The following CWC25 variants were observed in gnomAD, a reference collection of about 807,000 sequenced individuals.
The protein encoded by CWC25 is pre-mRNA-splicing factor CWC25 homolog.
In CWC25, 31 loss-of-function variants were observed where a neutral mutation model predicts 54.6. That is an observed-to-expected ratio of 0.57 (90% CI 0.43 to 0.77). CWC25 has a LOEUF of 0.77. Among genes scored for constraint, CWC25 ranks in the 30% least tolerant of loss-of-function variants. CWC25 has a pLI of 0.00. For missense variants in CWC25, 453 were observed against 529.3 expected (o/e 0.86, Z 1.41); for synonymous variants, 151 against 187.0 (o/e 0.81, Z 1.57).
chr17:38,813,773 G>T (rs1911584608), intron 3 of CWC25, among the ~76,000 whole-genome samples: 1 of 151,936 alleles, frequency 6.6e-6, no homozygotes, highest in Non-Finnish European at 1.5e-5. Context: ...CAATTTCCTG[G>T]GCTCAAGCAA....
intron 2 of CWC25, among the ~76,000 whole-genome samples, chr17:38,815,364 T>C (rs1390136719): frequency 6.6e-6 from 1 of 152,124 alleles, no homozygotes; most frequent in African/African-American, 2.4e-5. Context: ...GAGACCAGCC[T>C]GGCCAACATG....
At chr17:38,823,632 G>A (rs919004150) in intron 1 of CWC25, among the ~76,000 whole-genome samples, 2 of 151,926 alleles carry the variant, frequency 1.3e-5, no homozygotes, top group South Asian at 2.1e-4. Flanking sequence ...TCTCCCCTTC[G>A]TCAGGTCATT....
intron 3 of CWC25, 62 bp from the exon 4 acceptor site, chr17:38,812,926 C>G: frequency 9.6e-6 from 9 of 934,240 alleles, no homozygotes; most frequent in South Asian, 7.0e-5. Context: ...ATGGAGTAAC[C>G]TTTTCTCCAA....
chr17:38,821,158 A>G, intron 1 of CWC25, 85 bp from the exon 2 acceptor site: 2 of 1,400,218 alleles, frequency 1.4e-6, no homozygotes, highest in Non-Finnish European at 1.9e-6. Context: ...CCACCCTTCC[A>G]TACCCAAGGC....
intron 7 of CWC25, 142 bp from the exon 8 acceptor site, chr17:38,806,537 GT>G: frequency 2.5e-6 from 2 of 805,282 alleles, no homozygotes; most frequent in Non-Finnish European, 3.9e-6. Context: ...AGGGTTTGAT[GT>G]TAGACTCACC....
chr17:38,809,693 C>T lies in CWC25; in HGVS notation c.690+9G>A. 2 of 1,613,500 alleles carry T rather than the reference C, an allele frequency of 1.2e-6. No individual in the cohort carries two copies. Among genetic ancestry groups the T allele is most frequent in the South Asian group, 2.2e-5 (2 of 91,038 alleles). On this transcript the variant is annotated intron_variant, in intron 6 of 9. Transcript: ENST00000614790. ...ACAGTCACTCCTTTCAAGAAGCCCA[C>T]ATCCCTACCTGTAAGCCATATCCAG...
chr17:38,815,139 G>C, intron 2 of CWC25, 42 bp from the exon 3 acceptor site: 1 of 1,556,502 alleles, frequency 6.4e-7, no homozygotes, highest in African/African-American at 1.4e-5. Flanking sequence ...TCTTTAAAAA[G>C]CAGACTTCTG....
Position 38,809,746 on chromosome 17 carries a change from T to C in CWC25, c.646A>G (p.Asn216Asp), listed in dbSNP as rs774563800. The C allele has an allele frequency of 1.9e-6, 3 of 1,613,890 alleles. No individual in the cohort carries two copies. The highest frequency in any genetic ancestry group is 2.2e-5 in the East Asian group (1 of 44,866). ...ACTTTGGACAAAACAGGGGAGGAAT[T>C]TGCCATCTTCTTCTGTGATCTAAGA... ...SAGRSQKKMA[N>D]SSPVLSKVPG... The change falls in exon 6 of 10, where the codon AAT becomes GAT. Residue 216 changes from asparagine (N) to aspartate (D), a missense_variant. Around this residue, in one of 2 missense-constraint regions of CWC25, gnomAD observed 444 missense variants for 499.2 expected, o/e 0.89. Coordinates refer to ENST00000614790, the MANE Select transcript of CWC25 (RefSeq NM_017748.5).
At position 38,810,051 on chromosome 17, in the gene CWC25, C is replaced by T. The variant is rs553181013; in HGVS notation, c.627-286G>A. On this transcript the variant is annotated intron_variant, in intron 5 of 9. Coordinates refer to ENST00000614790, the MANE Select transcript of CWC25 (RefSeq NM_017748.5). Reference sequence around the variant, plus strand: ...CCAGGGACAAATAGTGACTCAGCAGCGGCGGAGCTGACTGCTTCCACAGGA... The same window carrying T: ...CCAGGGACAAATAGTGACTCAGCAGTGGCGGAGCTGACTGCTTCCACAGGA... Among the ~76,000 whole-genome samples the T allele has an allele frequency of 5.9e-4, 90 of 152,204 alleles. No individual in the cohort carries two copies. In the South Asian group the frequency reaches 9.3e-3, roughly 16 times the overall value.
At chr17:38,804,799 CAAAAA>C (rs4042818) in intron 8 of CWC25, among the ~76,000 whole-genome samples, 3 of 64,756 alleles carry the variant, frequency 4.6e-5, no homozygotes, top group South Asian at 6.4e-4. Flanking sequence ...CAGAGCGAGA[CAAAAA>C]AAAAAAAAAA....
intron 2 of CWC25, among the ~76,000 whole-genome samples, chr17:38,816,133 A>G (rs1911688183): frequency 6.6e-6 from 1 of 152,218 alleles, no homozygotes; most frequent in South Asian, 2.1e-4. Flanking sequence ...GGCTAAATTC[A>G]TAAGAGCATG....
intron 8 of CWC25, among the ~76,000 whole-genome samples, chr17:38,806,034 C>T (rs117735717): frequency 0.046 from 6,992 of 152,034 alleles, 228 homozygotes; most frequent in Non-Finnish European, 0.07. Context: ...ATGGTCTCGA[C>T]CTCCTGACCT....
intron 1 of CWC25, among the ~76,000 whole-genome samples, chr17:38,821,528 C>T (rs894775406): frequency 2.6e-5 from 4 of 152,194 alleles, no homozygotes; most frequent in African/African-American, 9.6e-5. Context: ...TGCTGCACTA[C>T]AGCCTGGGCG....
chr17:38,810,593 C>T lies in CWC25; in HGVS notation c.501G>A (p.Leu167=), dbSNP rs886788262. ...PVKMKKIKEL[L]QMSLEKKEKK... ...TCTCCTTTTTTTCCAGACTCATTTG[C>T]AACTGGAAAATGCCGAGAACACAAG... The change falls in exon 5 of 10, where the codon TTG becomes TTA. Residue 167 remains leucine, a splice_region_variant and synonymous_variant. Coordinates refer to ENST00000614790, the MANE Select transcript of CWC25 (RefSeq NM_017748.5). The T allele has an allele frequency of 2.1e-6, 3 of 1,429,958 alleles. No individual in the cohort carries two copies. In the African/African-American group the frequency reaches 4.2e-5, roughly 20 times the overall value. 88.6% of individuals were successfully genotyped at this position (1,429,958 alleles called of 1,614,324 possible).
intron 1 of CWC25, among the ~76,000 whole-genome samples, chr17:38,824,287 A>C (rs957587182): frequency 6.6e-6 from 1 of 152,194 alleles, no homozygotes; most frequent in African/African-American, 2.4e-5. Context: ...AACTTATATT[A>C]AGTGGTATGA....
chr17:38,808,398 GA>G (rs1293767731), intron 6 of CWC25, among the ~76,000 whole-genome samples: 2 of 137,800 alleles, frequency 1.5e-5, no homozygotes, highest in Non-Finnish European at 3.2e-5. Flanking sequence ...AAAAAAGAAA[GA>G]AAAGAATACA....
chr17:38,817,095 C>T (rs1484170804), intron 2 of CWC25, among the ~76,000 whole-genome samples: 1 of 151,234 alleles, frequency 6.6e-6, no homozygotes, highest in Non-Finnish European at 1.5e-5. Context: ...AATCCTAGAA[C>T]TTTGGGAGGC....
chr17:38,819,144 TC>T (rs1911822075), intron 2 of CWC25, among the ~76,000 whole-genome samples: 1 of 151,650 alleles, frequency 6.6e-6, no homozygotes, highest in African/African-American at 2.4e-5. Context: ...TACCTCAGCC[TC>T]CCAAGTAGCT....
intron 2 of CWC25, among the ~76,000 whole-genome samples, chr17:38,816,056 T>A (rs1370600257): frequency 2.6e-5 from 4 of 152,048 alleles, no homozygotes; most frequent in Non-Finnish European, 5.9e-5. Flanking sequence ...CACAAACATT[T>A]CCCTGCGGTT....
Sources: allele counts gnomAD v4.1 joint callset (sites outside exome capture counted in the v4.1 genomes callset), GRCh38; gene constraint gnomAD v4.1.1; regional missense constraint gnomAD v4.1.1; transcripts MANE v1.5; gene names NCBI Gene and HGNC (gene_info 2026-07-23, HGNC 2026-07-21).